Variants in BMAL1 observed in about 807,000 individuals in gnomAD.
BMAL1 encodes basic helix-loop-helix ARNT-like protein 1.
chr11:13,333,941 T>G, the BMAL1 span, among the ~76,000 whole-genome samples: 11 of 152,316 alleles, frequency 7.2e-5, no homozygotes, highest in South Asian at 2.3e-3. Flanking sequence ...GTTTATGTTC[T>G]CCAGTGCCTT....
the BMAL1 span, among the ~76,000 whole-genome samples, chr11:13,348,798 A>G: frequency 6.6e-6 from 1 of 152,194 alleles, no homozygotes; most frequent in Non-Finnish European, 1.5e-5. Flanking sequence ...GCAATGGGGA[A>G]TGAATGCCTT....
the BMAL1 span, among the ~76,000 whole-genome samples, chr11:13,329,149 T>C: frequency 6.6e-6 from 1 of 152,090 alleles, no homozygotes; most frequent in Admixed American, 6.5e-5. Flanking sequence ...CAAGATCACT[T>C]CAGTTATTAA....
At chr11:13,295,353 T>C in the BMAL1 span, among the ~76,000 whole-genome samples, 2 of 151,008 alleles carry the variant, frequency 1.3e-5, no homozygotes, top group Admixed American at 6.6e-5. Context: ...GAGAGACGAT[T>C]AGCAGGGGAA....
At chr11:13,285,665 C>T in the BMAL1 span, among the ~76,000 whole-genome samples, 9 of 152,068 alleles carry the variant, frequency 5.9e-5, no homozygotes. Flanking sequence ...TAGTGTGACT[C>T]GATTATGAGC....
At chr11:13,384,329 A>G in the BMAL1 span, among the ~76,000 whole-genome samples, 1 of 152,202 alleles carries the variant, frequency 6.6e-6, no homozygotes, top group African/African-American at 2.4e-5. Context: ...CTATAATGAA[A>G]TGTGTCAATA....
the BMAL1 span, chr11:13,381,147 C>A: frequency 1.9e-6 from 3 of 1,613,310 alleles, no homozygotes; most frequent in South Asian, 3.3e-5. Flanking sequence ...CAGTGTAATT[C>A]TCTTTTCTGA....
chr11:13,364,847 C>T, the BMAL1 span, among the ~76,000 whole-genome samples: 50 of 143,024 alleles, frequency 3.5e-4, no homozygotes, highest in African/African-American at 1.1e-3. Flanking sequence ...GCAAATAGTC[C>T]GGCCCTGGAT....
chr11:13,366,622 T>C, the BMAL1 span: 3 of 1,514,230 alleles, frequency 2.0e-6, no homozygotes, highest in Non-Finnish European at 2.7e-6. Context: ...ATTGATTTTC[T>C]GCATGCAATT....
the BMAL1 span, chr11:13,360,383 A>T: frequency 3.7e-6 from 6 of 1,613,908 alleles, no homozygotes; most frequent in African/African-American, 8.0e-5. Context: ...CTACAAACCA[A>T]CTTTTCTATC....
chr11:13,375,756 T>C, the BMAL1 span: 8 of 1,561,506 alleles, frequency 5.1e-6, no homozygotes, highest in African/African-American at 1.1e-4. Flanking sequence ...ACTAACACTG[T>C]TGTTTTGTAA....
At chr11:13,381,371 CCTT>C in the BMAL1 span, 3 of 957,240 alleles carry the variant, frequency 3.1e-6, no homozygotes, top group Non-Finnish European at 4.9e-6. Flanking sequence ...ACTACTTCCT[CCTT>C]GAAGTAAATG....
chr11:13,386,888 C>A, the BMAL1 span: 2 of 1,051,740 alleles, frequency 1.9e-6, no homozygotes, highest in Non-Finnish European at 2.6e-6. Context: ...CATCTCAGAG[C>A]CATTGATACA....
the BMAL1 span, chr11:13,276,727 G>A: frequency 1.3e-5 from 2 of 152,212 alleles, no homozygotes. Flanking sequence ...TTCTATTCAG[G>A]GAGTTTAACA....
the BMAL1 span, among the ~76,000 whole-genome samples, chr11:13,303,513 A>G: frequency 6.6e-6 from 1 of 152,220 alleles, no homozygotes; most frequent in South Asian, 2.1e-4. Context: ...TAGGTTAACA[A>G]ACAAACCCCC....
chr11:13,287,584 C>T, the BMAL1 span, among the ~76,000 whole-genome samples: 1 of 152,190 alleles, frequency 6.6e-6, no homozygotes, highest in South Asian at 2.1e-4. Context: ...TTTTTAATTT[C>T]CTCCACTCTC....
At chr11:13,354,215 A>AAC in the BMAL1 span, 1 of 1,104,426 alleles carries the variant, frequency 9.1e-7, no homozygotes, top group Non-Finnish European at 1.2e-6. Context: ...CCACCACCAA[A>AAC]CCCCCAAGCA....
chr11:13,367,821 TCA>T, the BMAL1 span, among the ~76,000 whole-genome samples: 4 of 152,126 alleles, frequency 2.6e-5, no homozygotes, highest in Admixed American at 6.5e-5. Context: ...TCTCTCTGTC[TCA>T]GTTTTCTCAT....
chr11:13,356,806 A>T, the BMAL1 span: 20 of 1,613,952 alleles, frequency 1.2e-5, no homozygotes, highest in Admixed American at 3.3e-4. Context: ...TTTGAACTTC[A>T]GCATCCTTAT....
At chr11:13,288,650 C>G in the BMAL1 span, among the ~76,000 whole-genome samples, 7 of 151,920 alleles carry the variant, frequency 4.6e-5, no homozygotes. Flanking sequence ...AAATATTTCT[C>G]TCTAAAGCAT....
Sources: gnomAD v4.1 joint callset for allele counts (sites outside exome capture counted in the v4.1 genomes callset) on GRCh38, gnomAD v4.1.1 for gene constraint, MANE v1.5 for transcripts, NCBI Gene and HGNC (gene_info 2026-07-23, HGNC 2026-07-21) for gene names.